GUCY1A1: variants seen among roughly 807,000 people sequenced by gnomAD.
The protein encoded by GUCY1A1 is guanylate cyclase soluble subunit alpha-1.
In GUCY1A1, 48 loss-of-function variants were observed where a neutral mutation model predicts 64.5. That is an observed-to-expected ratio of 0.74 (90% CI 0.59 to 0.95). GUCY1A1 has a LOEUF of 0.95. Ranked by LOEUF, GUCY1A1 falls within the 40% of genes least tolerant of loss-of-function variation. GUCY1A1 has a pLI of 0.00. For synonymous variants in GUCY1A1, 308 were observed against 303.4 expected, an observed-to-expected ratio of 1.02 and a Z score of -0.16; for missense variants, 804 against 825.3, an observed-to-expected ratio of 0.97 and a Z score of 0.32.
Position 155,674,183 on chromosome 4 carries a change from G to A in GUCY1A1, c.-113+6764G>A, listed in dbSNP as rs988293047. 6.6e-5 allele frequency among the ~76,000 whole-genome samples: 10 copies of A among 150,932 alleles called. No homozygotes were observed. The South Asian group carries it at 1.2e-3, about 19-fold the overall frequency. ...AGCCTGGCCAAGACAGTGAAACTCC[G>A]TCTCTACTAAAAATACAAAAAATTA... On this transcript the variant is annotated intron_variant, in intron 2 of 9. Transcript: ENST00000506455.
intron 2 of GUCY1A1, among the ~76,000 whole-genome samples, chr4:155,695,806 C>T (rs1011682028): frequency 2.6e-5 from 4 of 152,108 alleles, no homozygotes; most frequent in Non-Finnish European, 5.9e-5. Flanking sequence ...GGGTTCTTTT[C>T]CACTCTTTGT....
intron 2 of GUCY1A1, among the ~76,000 whole-genome samples, chr4:155,683,939 T>C (rs1217662375): frequency 1.3e-5 from 2 of 152,166 alleles, no homozygotes; most frequent in African/African-American, 2.4e-5. Flanking sequence ...TCAGGGTATA[T>C]TGGGTGAACT....
intron 7 of GUCY1A1, among the ~76,000 whole-genome samples, 189 bp from the exon 8 acceptor site, chr4:155,716,970 T>C (rs959828601): frequency 1.3e-5 from 2 of 152,158 alleles, no homozygotes; most frequent in Admixed American, 6.6e-5. Context: ...AGTGCCTCAA[T>C]GTAATGGGTC....
chr4:155,699,068 G>GATTTATTT (rs531535681), intron 3 of GUCY1A1, among the ~76,000 whole-genome samples: 3,337 of 151,744 alleles, frequency 0.022, 135 homozygotes, highest in African/African-American at 0.075. Flanking sequence ...GGTTACTGTA[G>GATTTATTT]ATTTATTTAT....
At position 155,717,297 on chromosome 4, in the gene GUCY1A1, A is replaced by G. The variant is rs773717709; in HGVS notation, c.1711A>G (p.Ile571Val). The change falls in exon 8 of 10, where the codon ATC (isoleucine) becomes GTC (valine). Residue 571 changes from isoleucine (I) to valine (V), a missense_variant. Transcript: ENST00000506455. ...DEVMSPHGEP[I>V]KMRIGLHSGS... ...AGTTATGTCTCCCCATGGAGAACCTATCAAGGTAAGGCAGATGATATATTG... is the reference window on the plus strand; with the variant it reads ...AGTTATGTCTCCCCATGGAGAACCTGTCAAGGTAAGGCAGATGATATATTG... The G allele has an allele frequency of 1.6e-5, 26 of 1,584,906 alleles. No homozygotes were observed. Among genetic ancestry groups the G allele is most frequent in the African/African-American group, 5.4e-5 (4 of 73,890 alleles).
intron 9 of GUCY1A1, among the ~76,000 whole-genome samples, chr4:155,724,643 A>G (rs1734415528): frequency 6.6e-6 from 1 of 151,960 alleles, no homozygotes; most frequent in South Asian, 2.1e-4. Flanking sequence ...TCACTACCCC[A>G]TGTCTACACC....
At position 155,703,945 on chromosome 4, in the gene GUCY1A1, A is replaced by G; in HGVS notation, c.269A>G (p.Asn90Ser). Residue 90 changes from asparagine (N) to serine (S), a missense_variant, in exon 4 of 10, where the codon AAT becomes AGT. By Grantham distance (46) the Asn-to-Ser change is conservative. Coordinates refer to ENST00000506455, the MANE Select transcript of GUCY1A1 (RefSeq NM_001130682.3). ...TTGAACTTTCAGTTTGAACGGCTGA[A>G]TGTTGCACTTCAGAGAACATTGGCA... ...KLIFPEFERLNVALQRTLAKH... is the reference protein window; with the variant it reads ...KLIFPEFERLSVALQRTLAKH... 6 of 1,605,774 alleles carry G rather than the reference A, an allele frequency of 3.7e-6. No homozygotes were observed. Among genetic ancestry groups the G allele is most frequent in the Non-Finnish European group, 5.1e-6 (6 of 1,174,932 alleles).
Position 155,730,667 on chromosome 4 carries a change from A to T in GUCY1A1, c.*436A>T. ...AGAAATTACATTCTTTGACACCCTC[A>T]GTTCTTTCAAACTTTCAACTCTGCA... is the stretch of plus-strand genomic sequence containing the variant. On this transcript the variant is annotated 3_prime_UTR_variant, in exon 10 of 10. Transcript: ENST00000506455. 1 of 154,102 alleles carries T rather than the reference A, an allele frequency of 6.5e-6. No homozygotes were observed. 9.5% of individuals were successfully genotyped at this position (154,102 alleles called of 1,614,324 possible).
intron 3 of GUCY1A1, among the ~76,000 whole-genome samples, chr4:155,698,907 G>A (rs1730745290): frequency 6.6e-6 from 1 of 151,980 alleles, no homozygotes; most frequent in Non-Finnish European, 1.5e-5. Flanking sequence ...CTCTATTTTT[G>A]TGGTTATCTC....
At chr4:155,689,786 C>A (rs1013376814) in intron 2 of GUCY1A1, among the ~76,000 whole-genome samples, 1 of 152,132 alleles carries the variant, frequency 6.6e-6, no homozygotes, top group South Asian at 2.1e-4. Flanking sequence ...TGCCACCCGG[C>A]GAGTCGGGGG....
At chr4:155,718,641 A>T (rs983095551) in intron 8 of GUCY1A1, among the ~76,000 whole-genome samples, 1 of 152,128 alleles carries the variant, frequency 6.6e-6, no homozygotes, top group Admixed American at 6.6e-5. Context: ...CTTGGTGGGG[A>T]TGGCTGAAAG....
intron 2 of GUCY1A1, among the ~76,000 whole-genome samples, chr4:155,696,120 T>C (rs2126733529): frequency 6.6e-6 from 1 of 152,210 alleles, no homozygotes; most frequent in South Asian, 2.1e-4. Flanking sequence ...GGATCAGGAG[T>C]TCTGATGTTT....
intron 2 of GUCY1A1, among the ~76,000 whole-genome samples, chr4:155,684,162 A>C (rs977836507): frequency 6.6e-6 from 1 of 152,164 alleles, no homozygotes; most frequent in Non-Finnish European, 1.5e-5. Flanking sequence ...ATTTCTTTAA[A>C]TTTTCTCTAT....
intron 9 of GUCY1A1, among the ~76,000 whole-genome samples, chr4:155,723,642 T>TTATG (rs1300141315): frequency 4.5e-4 from 65 of 143,278 alleles, no homozygotes; most frequent in African/African-American, 1.8e-3. Context: ...ATTTATTTAT[T>TTATG]TATTTATTTA....
In GUCY1A1 at chr4:155,730,290, C is replaced by A; in HGVS notation, c.*59C>A. 9.4e-7 allele frequency: 1 copy of A among 1,065,590 alleles called. No individual in the cohort carries two copies. The highest frequency in any genetic ancestry group is 1.4e-6 in the Non-Finnish European group (1 of 695,052). 66.0% of individuals were successfully genotyped at this position (1,065,590 alleles called of 1,614,324 possible). On this transcript the variant is annotated 3_prime_UTR_variant, in exon 10 of 10. Transcript: ENST00000506455. ...TTGACTCATTGAAGATGTGTAGAGC[C>A]TCTGAAAGCACTTTAGGGATTGTAG...
chr4:155,710,707 A>G lies in GUCY1A1; in HGVS notation c.542A>G (p.Lys181Arg). 1.2e-6 allele frequency: 2 copies of G among 1,614,148 alleles called. No homozygotes were observed. Among genetic ancestry groups the G allele is most frequent in the South Asian group, 1.1e-5 (1 of 91,084 alleles). ...AGCAGCCATTGCCAAGAAGCAGGAA[A>G]AAGGGGCAGGCTTGAGGACGCCTCC... ...KQSSHCQEAG[K>R]RGRLEDASIL... The change falls in exon 6 of 10, where the codon AAA becomes AGA. Residue 181 changes from lysine (K) to arginine (R), a missense_variant. Coordinates refer to ENST00000506455, the MANE Select transcript of GUCY1A1 (RefSeq NM_001130682.3).
chr4:155,717,561 G>C (rs184321906), intron 8 of GUCY1A1, among the ~76,000 whole-genome samples: 2 of 152,248 alleles, frequency 1.3e-5, no homozygotes, highest in East Asian at 3.9e-4. Flanking sequence ...CCATAGTATA[G>C]GGATTTTCTA....
At chr4:155,702,554 C>G (rs1183794057) in intron 3 of GUCY1A1, among the ~76,000 whole-genome samples, 1 of 152,160 alleles carries the variant, frequency 6.6e-6, no homozygotes, top group Non-Finnish European at 1.5e-5. Context: ...TCACCAAGCC[C>G]GACTCAGAAT....
chr4:155,694,244 T>C (rs573677253), intron 2 of GUCY1A1, among the ~76,000 whole-genome samples: 1 of 152,296 alleles, frequency 6.6e-6, no homozygotes, highest in East Asian at 1.9e-4. Context: ...TTTGAAGTTG[T>C]TCAAAAACTG....
Sources: allele counts gnomAD v4.1 joint callset (sites outside exome capture counted in the v4.1 genomes callset), GRCh38; gene constraint gnomAD v4.1.1; transcripts MANE v1.5; gene names NCBI Gene and HGNC (gene_info 2026-07-23, HGNC 2026-07-21).